The following GOLGA4 variants were observed in gnomAD, a reference collection of about 807,000 sequenced individuals.
GOLGA4 encodes golgin A4, also known as golgin subfamily A member 4.
In GOLGA4, 169 loss-of-function variants were observed where a neutral mutation model predicts 265.9. The ratio of observed to expected loss-of-function variants is 0.64; its 90% CI spans 0.56 to 0.72. The LOEUF (loss-of-function observed/expected upper bound fraction) is 0.72. GOLGA4 is among the 30% of genes least tolerant of loss of function. The probability of loss-of-function intolerance (pLI) is 0.00; values close to 1 mark genes in which losing one functional copy is unlikely to be tolerated. For missense variants in GOLGA4, 2,482 were observed against 2,483.4 expected (o/e 1.00, Z 0.01); for synonymous variants, 923 against 855.8 (o/e 1.08, Z -1.37).
chr3:37,291,261 C>G (rs150334029), intron 5 of GOLGA4, among the ~76,000 whole-genome samples: 28 of 152,216 alleles, frequency 1.8e-4, no homozygotes, highest in African/African-American at 6.5e-4. Flanking sequence ...TCTGGAAACA[C>G]AGGAATACCT....
intron 2 of GOLGA4, among the ~76,000 whole-genome samples, chr3:37,280,038 C>T (rs1247178820): frequency 6.6e-6 from 1 of 152,084 alleles, no homozygotes; most frequent in Non-Finnish European, 1.5e-5. Context: ...GTAGAGTAAC[C>T]GTTCAATCAA....
intron 4 of GOLGA4, 60 bp downstream of exon 4, chr3:37,286,121 T>C: frequency 2.8e-6 from 2 of 705,638 alleles, no homozygotes; most frequent in South Asian, 1.7e-5. Context: ...AGATCTTATA[T>C]AGTAAGATAT....
At chr3:37,247,278 T>G (rs1560263296) in intron 1 of GOLGA4, among the ~76,000 whole-genome samples, 3 of 152,162 alleles carry the variant, frequency 2.0e-5, no homozygotes, top group African/African-American at 7.2e-5. Flanking sequence ...TCCATAGGTG[T>G]TGTAGGGAGA....
intron 2 of GOLGA4, among the ~76,000 whole-genome samples, chr3:37,261,170 CA>C (rs1462338337): frequency 1.4e-4 from 20 of 146,066 alleles, no homozygotes; most frequent in Admixed American, 4.1e-4. Flanking sequence ...GACCCTATCT[CA>C]AAAAAAAAAG....
At chr3:37,308,443 C>T (rs1357992061) in intron 10 of GOLGA4, among the ~76,000 whole-genome samples, 1 of 151,508 alleles carries the variant, frequency 6.6e-6, no homozygotes, top group East Asian at 1.9e-4. Context: ...TAATTTATGC[C>T]ACCGGGTGGT....
In GOLGA4 at chr3:37,325,961, A is replaced by G. The variant is rs2096969370; in HGVS notation, c.4075A>G (p.Lys1359Glu). 1.2e-6 allele frequency: 2 copies of G among 1,610,798 alleles called. No individual in the cohort carries two copies. Among genetic ancestry groups the G allele is most frequent in the Admixed American group, 3.3e-5 (2 of 59,872 alleles). Reference sequence around the variant, plus strand: ...AAACATCAATGCTGTCACATTGATGAAAGAAGAGCTTAAAGAAAAAAAAGT... The same window carrying G: ...AAACATCAATGCTGTCACATTGATGGAAGAAGAGCTTAAAGAAAAAAAAGT... ...SENINAVTLM[K>E]EELKEKKVEI... The change falls in exon 14 of 24, where the codon AAA becomes GAA. Residue 1359 changes from lysine to glutamate, a missense_variant. Around this residue, in one of 3 missense-constraint regions of GOLGA4, gnomAD observed 942 missense variants for 983.1 expected, o/e 0.96. Transcript: ENST00000361924.
At chr3:37,286,525 A>G (rs905704118) in intron 4 of GOLGA4, among the ~76,000 whole-genome samples, 3 of 152,204 alleles carry the variant, frequency 2.0e-5, no homozygotes, top group African/African-American at 7.2e-5. Context: ...TTGTTTTACC[A>G]TTATTGGAGG....
chr3:37,323,661 T>A lies in GOLGA4; in HGVS notation c.1775T>A (p.Val592Asp). 2 of 1,594,912 alleles carry A rather than the reference T, an allele frequency of 1.3e-6. No individual in the cohort carries two copies. Among genetic ancestry groups the A allele is most frequent in the Non-Finnish European group, 1.7e-6 (2 of 1,174,826 alleles). ...AAAAATCAGTCAAAAGATTTGGCTG[T>A]TCATCTGGAAGCTGAAAAAAATAAG... ...ENKNQSKDLAVHLEAEKNKHN... is the reference protein window; with the variant it reads ...ENKNQSKDLADHLEAEKNKHN... Residue 592 changes from valine (V) to aspartate (D), a missense_variant, in exon 14 of 24, where the codon GTT (valine) becomes GAT (aspartate). Transcript: ENST00000361924.
intron 19 of GOLGA4, among the ~76,000 whole-genome samples, chr3:37,339,047 A>G (rs990574645): frequency 4.0e-5 from 6 of 151,872 alleles, no homozygotes; most frequent in Non-Finnish European, 7.4e-5. Context: ...TATTTTTAGT[A>G]GAGACGGGGT....
chr3:37,285,981 G>C (rs756213785), intron 3 of GOLGA4, 33 bp from the exon 4 acceptor site: 27 of 1,309,888 alleles, frequency 2.1e-5, no homozygotes, highest in Middle Eastern at 1.9e-4. Flanking sequence ...ATTTATTTAG[G>C]AATGACTAAT....
intron 4 of GOLGA4, among the ~76,000 whole-genome samples, chr3:37,288,007 T>TA (rs1216115939): frequency 6.6e-6 from 1 of 152,164 alleles, no homozygotes; most frequent in African/African-American, 2.4e-5. Flanking sequence ...TTACCAAGTT[T>TA]AATTTCCTTT....
chr3:37,301,257 C>T (rs76161713), intron 9 of GOLGA4, among the ~76,000 whole-genome samples: 1,643 of 152,266 alleles, frequency 0.011, 24 homozygotes, highest in African/African-American at 0.037. Flanking sequence ...TTTCCCCTGC[C>T]GACCTCCATT....
At chr3:37,289,440 G>A (rs2096859193) in intron 5 of GOLGA4, 149 bp downstream of exon 5, 1 of 521,646 alleles carries the variant, frequency 1.9e-6, no homozygotes, top group African/African-American at 1.9e-5. Context: ...GTCAGTTCTT[G>A]AAGTTTTTAT....
At chr3:37,296,542 G>A (rs544038296) in intron 7 of GOLGA4, among the ~76,000 whole-genome samples, 1 of 152,254 alleles carries the variant, frequency 6.6e-6, no homozygotes, top group South Asian at 2.1e-4. Context: ...TTGGTTCTTT[G>A]TTGTTATTTA....
intron 10 of GOLGA4, among the ~76,000 whole-genome samples, chr3:37,306,499 C>CTG (rs761111814): frequency 2.2e-4 from 25 of 115,710 alleles, no homozygotes; most frequent in Non-Finnish European, 3.6e-4. Context: ...CTTGGCTGTT[C>CTG]TCTGTGTGTG....
chr3:37,277,434 A>G (rs1380551099), intron 2 of GOLGA4, among the ~76,000 whole-genome samples: 2 of 152,226 alleles, frequency 1.3e-5, no homozygotes, highest in African/African-American at 2.4e-5. Context: ...TACTGGAAAG[A>G]AAATGTTTAG....
chr3:37,318,003 G>A (rs1196257048), intron 11 of GOLGA4, among the ~76,000 whole-genome samples: 3 of 150,590 alleles, frequency 2.0e-5, no homozygotes, highest in Non-Finnish European at 4.4e-5. Flanking sequence ...ACACATGTTC[G>A]GTCCTGAGAT....
At chr3:37,335,864 C>T (rs569918950) in intron 17 of GOLGA4, among the ~76,000 whole-genome samples, 54 of 152,092 alleles carry the variant, frequency 3.6e-4, no homozygotes, top group South Asian at 1.2e-3. Context: ...GCAGCACACA[C>T]CCACAGTTGG....
intron 16 of GOLGA4, among the ~76,000 whole-genome samples, chr3:37,333,483 A>G (rs112970772): frequency 6.6e-6 from 1 of 152,178 alleles, no homozygotes; most frequent in South Asian, 2.1e-4. Flanking sequence ...TTTTCTAATT[A>G]TTGGGGGGGC....
Sources: allele counts gnomAD v4.1 joint callset (sites outside exome capture counted in the v4.1 genomes callset), GRCh38; gene constraint gnomAD v4.1.1; regional missense constraint gnomAD v4.1.1; transcripts MANE v1.5; gene names NCBI Gene and HGNC (gene_info 2026-07-23, HGNC 2026-07-21).